The following COL4A6 variants were observed in gnomAD, a reference collection of about 807,000 sequenced individuals.
The protein encoded by COL4A6 is collagen type IV alpha 6 chain.
Under a neutral mutation model 126.7 loss-of-function variants are expected in COL4A6, and 59 were observed. The observed-to-expected ratio is 0.47, with a 90% CI of 0.38 to 0.58. The LOEUF is 0.58. Ranked by LOEUF, COL4A6 falls within the 20% of genes least tolerant of loss-of-function variation. COL4A6 has a pLI of 0.00. For missense variants in COL4A6, 1,285 were observed against 1,337.3 expected (o/e 0.96, Z 0.61); for synonymous variants, 547 against 496.6 (o/e 1.10, Z -1.35).
At chrX:108,344,316 A>G (rs777398164) in intron 2 of COL4A6, among the ~76,000 whole-genome samples, 4 of 111,560 alleles carry the variant, frequency 3.6e-5, no homozygotes, top group African/African-American at 6.5e-5. Context: ...GCCAAAGAAC[A>G]AAGCAACCCA....
At chrX:108,225,858 G>A (rs963691810) in intron 3 of COL4A6, among the ~76,000 whole-genome samples, 8 of 112,596 alleles carry the variant, frequency 7.1e-5, no homozygotes, top group Non-Finnish European at 1.3e-4. Flanking sequence ...ATTAACATTT[G>A]TTCCTGAGGA....
At chrX:108,438,534 T>G, upstream of COL4A6, 1 of 872,022 alleles carries the variant, frequency 1.1e-6, no homozygotes, top group African/African-American at 2.1e-5. Flanking sequence ...TTCAGGCACC[T>G]TTCCACACAA....
intron 2 of COL4A6, among the ~76,000 whole-genome samples, chrX:108,345,480 A>C (rs2039685134): frequency 8.9e-6 from 1 of 111,860 alleles, no homozygotes; most frequent in Non-Finnish European, 1.9e-5. Context: ...AATAGCTAAC[A>C]ACCCAAGCAT....
intron 3 of COL4A6, among the ~76,000 whole-genome samples, chrX:108,308,352 A>T (rs1440757712): frequency 1.8e-5 from 2 of 111,902 alleles, no homozygotes; most frequent in Non-Finnish European, 3.8e-5. Context: ...AGGCTCCCCA[A>T]CCCAACAAAC....
chrX:108,411,797 G>C (rs150668302), intron 2 of COL4A6, among the ~76,000 whole-genome samples: 6 of 111,899 alleles, frequency 5.4e-5, no homozygotes, highest in African/African-American at 1.6e-4. Context: ...TTGATGCTTA[G>C]AACATTAAGC....
chrX:108,438,820 C>T (rs1049260552), upstream of COL4A6, among the ~76,000 whole-genome samples: 1 of 112,473 alleles, frequency 8.9e-6, no homozygotes, highest in Non-Finnish European at 1.9e-5. Context: ...TAAGCAGAAC[C>T]TAAGGATGAG....
rs1230864727 is a variant in COL4A6 at position 108,160,658 on chromosome X, A to G, written c.4334-4T>C. 8.4e-7 allele frequency: 1 copy of G among 1,196,902 alleles called. No homozygotes were observed. On this transcript the variant is annotated splice_region_variant and splice_polypyrimidine_tract_variant and intron_variant, in intron 42 of 44. Transcript: ENST00000334504. The stretch of plus-strand genomic sequence containing the variant: ...GGGCCTTGCTGCCCTGGAGCTCCTG[A>G]GAGAGACAGATCATAAAAGGTGAGT...
chrX:108,431,673 G>A (rs922984469), intron 2 of COL4A6, among the ~76,000 whole-genome samples: 5 of 111,390 alleles, frequency 4.5e-5, no homozygotes, highest in African/African-American at 9.8e-5. Flanking sequence ...CTAGAAACCC[G>A]GTAATGTATT....
At chrX:108,280,832 G>T (rs1354049317) in intron 3 of COL4A6, among the ~76,000 whole-genome samples, 1 of 111,624 alleles carries the variant, frequency 9.0e-6, no homozygotes, top group Non-Finnish European at 1.9e-5. Context: ...ATGCAAGGCT[G>T]GTTCAACATA....
intron 3 of COL4A6, among the ~76,000 whole-genome samples, chrX:108,252,318 CTT>C (rs751383210): frequency 8.9e-6 from 1 of 111,814 alleles, no homozygotes; most frequent in Non-Finnish European, 1.9e-5. Context: ...GAATTTCATT[CTT>C]TTTTATGGCT....
intron 41 of COL4A6, 53 bp downstream of exon 41, chrX:108,162,839 G>A: frequency 8.2e-6 from 9 of 1,098,821 alleles, no homozygotes; most frequent in Non-Finnish European, 1.1e-5. Context: ...CAGCCTCTCA[G>A]CCAAACTGTC....
At chrX:108,191,584 G>A (rs565839048) in intron 18 of COL4A6, 51 bp from the exon 19 acceptor site, 3 of 1,141,811 alleles carry the variant, frequency 2.6e-6, no homozygotes, top group African/African-American at 1.8e-5. Flanking sequence ...CTTACTCTCT[G>A]GAGTATTCCT....
At chrX:108,201,132 A>C (rs2035379411) in intron 13 of COL4A6, among the ~76,000 whole-genome samples, 1 of 111,379 alleles carries the variant, frequency 9.0e-6, no homozygotes, top group Non-Finnish European at 1.9e-5. Context: ...CATAGAAGGA[A>C]CCTGTGCCAC....
chrX:108,163,149 T>G, intron 40 of COL4A6, 111 bp from the exon 41 acceptor site: 2 of 652,459 alleles, frequency 3.1e-6, no homozygotes, highest in Non-Finnish European at 4.7e-6. Context: ...ATCCTGTTTG[T>G]CCCCACAGGA....
intron 2 of COL4A6, among the ~76,000 whole-genome samples, chrX:108,394,119 T>C (rs2040903300): frequency 8.9e-6 from 1 of 111,972 alleles, no homozygotes; most frequent in Admixed American, 9.5e-5. Flanking sequence ...GTTCATATCC[T>C]TTGCAGGGAC....
chrX:108,221,846 A>G (rs763823688), intron 3 of COL4A6, among the ~76,000 whole-genome samples: 2 of 112,639 alleles, frequency 1.8e-5, no homozygotes, highest in Non-Finnish European at 1.9e-5. Flanking sequence ...TGGGCCCAGA[A>G]ACCTACAGGC....
At chrX:108,221,046 C>T (rs772653750) in intron 4 of COL4A6, 194 bp downstream of exon 4, 63 of 523,479 alleles carry the variant, frequency 1.2e-4, no homozygotes, top group African/African-American at 5.7e-4. Context: ...TGCAGTGAGC[C>T]GAGATCACGC....
At chrX:108,187,001 G>A in intron 23 of COL4A6, 95 bp downstream of exon 23, 1 of 738,690 alleles carries the variant, frequency 1.4e-6, no homozygotes, top group Non-Finnish European at 1.9e-6. Flanking sequence ...GGTCAGACAA[G>A]TCTCTTCTTA....
rs561902822 is a variant in COL4A6 at position 108,419,804 on chromosome X, T to C, written c.63+18138A>G. Among the ~76,000 whole-genome samples, 29 of 111,764 alleles carry C rather than the reference T, an allele frequency of 2.6e-4. No homozygotes were observed. The South Asian group carries it at 0.011, about 42-fold the overall frequency. On this transcript the variant is annotated intron_variant, in intron 2 of 44. Coordinates refer to ENST00000334504, the MANE Select transcript of COL4A6 (RefSeq NM_033641.4). Reference sequence around the variant, plus strand: ...AATAGATAATTTTATTGAAACAAAATTGTTCTAAGCTAATATCTTTGTCCA... The same window carrying C: ...AATAGATAATTTTATTGAAACAAAACTGTTCTAAGCTAATATCTTTGTCCA...
Sources: allele counts gnomAD v4.1 joint callset (sites outside exome capture counted in the v4.1 genomes callset), GRCh38; gene constraint gnomAD v4.1.1; transcripts MANE v1.5; gene names NCBI Gene and HGNC (gene_info 2026-07-23, HGNC 2026-07-21).